The following PCDH15 variants were observed in gnomAD, a reference collection of about 807,000 sequenced individuals.
PCDH15 encodes protocadherin related 15.
PCDH15 carries 129 observed loss-of-function variants against 178.5 expected under a neutral mutation model. The observed-to-expected ratio is 0.72, with a 90% CI of 0.63 to 0.84. The LOEUF (loss-of-function observed/expected upper bound fraction) is 0.84, where lower values mean the gene tolerates loss of function less well. Ranked by LOEUF, PCDH15 falls within the 40% of genes least tolerant of loss-of-function variation. PCDH15 has a pLI of 0.00. For missense variants in PCDH15, 2,230 were observed against 2,099.9 expected (o/e 1.06, Z -1.21); for synonymous variants, 800 against 732.0 (o/e 1.09, Z -1.50).
At chr10:53,916,865 T>C (rs1055364683) in intron 25 of PCDH15, among the ~76,000 whole-genome samples, 4 of 152,076 alleles carry the variant, frequency 2.6e-5, no homozygotes, top group Non-Finnish European at 5.9e-5. Flanking sequence ...CTATTTCATA[T>C]ATGCCTCAGA....
In PCDH15 at chr10:54,374,670, G is replaced by A. The variant is rs376058307; in HGVS notation, c.318+4112C>T. Reference sequence around the variant, plus strand: ...TCTTCCTTTCTTTTTTTAATTTTTGGGTGCTGAAAATTTATGTAACTTTAG... The same window carrying A: ...TCTTCCTTTCTTTTTTTAATTTTTGAGTGCTGAAAATTTATGTAACTTTAG... On this transcript the variant is annotated intron_variant, in intron 4 of 37. Coordinates refer to ENST00000644397, the MANE Select transcript of PCDH15 (RefSeq NM_001384140.1). 1.3e-3 allele frequency among the ~76,000 whole-genome samples: 200 copies of A among 150,198 alleles called. 1 individual carries two copies. Among genetic ancestry groups the A allele is most frequent in the African/African-American group, 2.6e-3 (106 of 40,858 alleles).
chr10:55,060,266 T>C (rs1028165292), intron 2 of PCDH15, among the ~76,000 whole-genome samples: 1 of 152,114 alleles, frequency 6.6e-6, no homozygotes, highest in Non-Finnish European at 1.5e-5. Context: ...CATTACTTTA[T>C]TCAATGTGCA....
At chr10:54,329,043 T>C (rs913577068) in intron 7 of PCDH15, among the ~76,000 whole-genome samples, 4 of 152,024 alleles carry the variant, frequency 2.6e-5, no homozygotes, top group South Asian at 2.1e-4. Flanking sequence ...CCTGTTATTG[T>C]TATCTACATA....
intron 2 of PCDH15, among the ~76,000 whole-genome samples, chr10:55,543,393 G>GTA (rs1841807437): frequency 9.8e-6 from 1 of 101,592 alleles, no homozygotes; most frequent in Non-Finnish European, 2.1e-5. Context: ...ATATATATAT[G>GTA]TATATATAAA....
chr10:54,696,385 T>C (rs1236999742), intron 1 of PCDH15, among the ~76,000 whole-genome samples: 2 of 152,050 alleles, frequency 1.3e-5, no homozygotes, highest in South Asian at 2.1e-4. Context: ...TGTGGATGAA[T>C]ACAAAAAAAG....
At chr10:55,244,250 C>A (rs1291698352) in intron 1 of PCDH15, among the ~76,000 whole-genome samples, 1 of 151,810 alleles carries the variant, frequency 6.6e-6, no homozygotes, top group Non-Finnish European at 1.5e-5. Flanking sequence ...TTTGTCATTT[C>A]TGCTTGTCTT....
intron 18 of PCDH15, among the ~76,000 whole-genome samples, chr10:54,062,227 CAAAAAAAA>C (rs72361686): frequency 3.7e-5 from 2 of 53,846 alleles, no homozygotes; most frequent in African/African-American, 1.9e-4. Context: ...GATTCTGTCT[CAAAAAAAA>C]AAAAAAAAAA....
chr10:54,022,529 C>G (rs770522079), intron 19 of PCDH15, among the ~76,000 whole-genome samples: 6 of 151,968 alleles, frequency 3.9e-5, no homozygotes, highest in Non-Finnish European at 7.4e-5. Flanking sequence ...AAATTTAATG[C>G]TGAGTACTCT....
At chr10:53,860,432 T>C (rs2079026831) in intron 27 of PCDH15, among the ~76,000 whole-genome samples, 1 of 151,988 alleles carries the variant, frequency 6.6e-6, no homozygotes, top group African/African-American at 2.4e-5. Context: ...GATAGGTTAC[T>C]TATTCAAAAT....
At chr10:55,195,445 A>AGC (rs1210460465) in intron 1 of PCDH15, among the ~76,000 whole-genome samples, 1 of 149,972 alleles carries the variant, frequency 6.7e-6, no homozygotes, top group Non-Finnish European at 1.5e-5. Context: ...GTTCAAGATC[A>AGC]GCCTGGCCAA....
At position 55,368,145 on chromosome 10, in the gene PCDH15, A is replaced by T. The variant is rs115721449; in HGVS notation, c.-155-201494T>A. ...ATCTTAAAGCAATAAAGACAGAATG[A>T]TATTTATTCTCATTCTCTCTCACTC... is the stretch of plus-strand genomic sequence containing the variant. On this transcript the variant is annotated intron_variant, in intron 2 of 5. Coordinates refer to the PCDH15 transcript ENST00000613346. Among the ~76,000 whole-genome samples the T allele has an allele frequency of 5.6e-3, 857 of 152,232 alleles. 10 individuals are homozygous for T. The highest frequency in any genetic ancestry group is 0.02 in the African/African-American group (817 of 41,572).
At chr10:53,888,173 T>C (rs564144880) in intron 26 of PCDH15, among the ~76,000 whole-genome samples, 2 of 150,556 alleles carry the variant, frequency 1.3e-5, no homozygotes, top group South Asian at 4.2e-4. Flanking sequence ...TTTTGCTGGT[T>C]TGTTTAAACA....
chr10:53,866,225 G>A (rs1014554897), intron 27 of PCDH15, among the ~76,000 whole-genome samples: 1 of 152,026 alleles, frequency 6.6e-6, no homozygotes, highest in African/African-American at 2.4e-5. Flanking sequence ...AATGCTGAAA[G>A]TAATTTAAAC....
chr10:54,722,115 A>C (rs112632315), intron 1 of PCDH15, among the ~76,000 whole-genome samples: 1 of 151,824 alleles, frequency 6.6e-6, no homozygotes, highest in Non-Finnish European at 1.5e-5. Flanking sequence ...AAATAGAAAA[A>C]ACATATGATT....
At chr10:55,208,259 G>C (rs1840459784) in intron 1 of PCDH15, among the ~76,000 whole-genome samples, 1 of 152,002 alleles carries the variant, frequency 6.6e-6, no homozygotes, top group Admixed American at 6.5e-5. Context: ...TTCCATACAA[G>C]TGTTCTGCTT....
At chr10:54,680,489 C>A (rs1041857494) in intron 1 of PCDH15, among the ~76,000 whole-genome samples, 1 of 151,624 alleles carries the variant, frequency 6.6e-6, no homozygotes, top group Admixed American at 6.6e-5. Context: ...AGAAATAATA[C>A]AAATATAGTT....
chr10:55,174,551 C>T (rs968771801), intron 1 of PCDH15, among the ~76,000 whole-genome samples: 1 of 152,212 alleles, frequency 6.6e-6, no homozygotes, highest in Non-Finnish European at 1.5e-5. Flanking sequence ...GCTTTCTTTG[C>T]CTTGCATGAT....
chr10:54,782,356 A>G (rs1950446830), intron 1 of PCDH15, among the ~76,000 whole-genome samples: 1 of 152,162 alleles, frequency 6.6e-6, no homozygotes, highest in South Asian at 2.1e-4. Context: ...CTTTAAAATT[A>G]GGCTAATAAT....
At chr10:54,628,582 T>C (rs533500872) in intron 2 of PCDH15, among the ~76,000 whole-genome samples, 270 of 152,316 alleles carry the variant, frequency 1.8e-3, no homozygotes, top group African/African-American at 6.1e-3. Context: ...CGTCTAAATT[T>C]AAGCATCAAT....
Sources: gnomAD v4.1 joint callset for allele counts (sites outside exome capture counted in the v4.1 genomes callset) on GRCh38, gnomAD v4.1.1 for gene constraint, MANE v1.5 for transcripts, NCBI Gene and HGNC (gene_info 2026-07-23, HGNC 2026-07-21) for gene names.